Variants in CHSY1 observed in about 807,000 individuals in gnomAD.
CHSY1 encodes N-acetylgalactosaminyl-proteoglycan 3-beta-glucuronosyltransferase 1.
Under a neutral mutation model 59.8 loss-of-function variants are expected in CHSY1, and 13 were observed. The observed-to-expected ratio is 0.22, with a 90% CI of 0.14 to 0.35. The LOEUF (loss-of-function observed/expected upper bound fraction) is 0.35. Ranked by LOEUF, CHSY1 falls within the 10% of genes least tolerant of loss-of-function variation. The pLI is 1.00. For synonymous variants in CHSY1, 459 were observed against 401.2 expected (o/e 1.14, Z -1.72); for missense variants, 947 against 1,030.6 (o/e 0.92, Z 1.11).
At chr15:101,219,788 T>G (rs753755865) in intron 2 of CHSY1, among the ~76,000 whole-genome samples, 6 of 152,226 alleles carry the variant, frequency 3.9e-5, no homozygotes, top group African/African-American at 1.4e-4. Context: ...TTTCTTGAGA[T>G]GGAGTTTCGC....
At chr15:101,246,778 A>T (rs1390033306) in intron 1 of CHSY1, among the ~76,000 whole-genome samples, 1 of 152,230 alleles carries the variant, frequency 6.6e-6, no homozygotes, top group Non-Finnish European at 1.5e-5. Flanking sequence ...GTAACTGTGA[A>T]CCTGGGGTAG....
chr15:101,231,747 G>A (rs1286805739), intron 2 of CHSY1, among the ~76,000 whole-genome samples: 1 of 152,220 alleles, frequency 6.6e-6, no homozygotes, highest in Non-Finnish European at 1.5e-5. Context: ...AAGACAAAAT[G>A]AATAGGTTAC....
rs77637741 is a variant in CHSY1 at position 101,188,938 on chromosome 15, C to T, written c.817-9958G>A. ...GCAATCAGTTGAATGCACCAGGCAT[C>T]GCCTTAACAAAAAAAAAATGAAGTG... On this transcript the variant is annotated intron_variant, in intron 2 of 2. Coordinates refer to ENST00000254190, the MANE Select transcript of CHSY1 (RefSeq NM_014918.5). Among the ~76,000 whole-genome samples, 36 of 151,976 alleles carry T rather than the reference C, an allele frequency of 2.4e-4. 1 individual carries two copies. The East Asian group carries it at 5.1e-3, about 21-fold the overall frequency.
intron 2 of CHSY1, among the ~76,000 whole-genome samples, chr15:101,188,598 A>G (rs1190715815): frequency 6.6e-6 from 1 of 151,926 alleles, no homozygotes; most frequent in Non-Finnish European, 1.5e-5. Flanking sequence ...TAGTGGTTAA[A>G]AAAAAAAAGA....
At chr15:101,222,587 C>G (rs571640926) in intron 2 of CHSY1, among the ~76,000 whole-genome samples, 1 of 152,300 alleles carries the variant, frequency 6.6e-6, no homozygotes, top group South Asian at 2.1e-4. Context: ...AGTAATCCCA[C>G]CTCCTTGGTC....
At position 101,195,996 on chromosome 15, in the gene CHSY1, C is replaced by A. The variant is rs58309474; in HGVS notation, c.817-17016G>T. The stretch of plus-strand genomic sequence containing the variant: ...AGGAGCAGTGGCTCATGCCTGTAAT[C>A]CCAACACTTTGGGAGGCTGAGGCAG... On this transcript the variant is annotated intron_variant, in intron 2 of 2. Transcript: ENST00000254190. 4.4e-3 allele frequency among the ~76,000 whole-genome samples: 666 copies of A among 152,056 alleles called. 8 individuals are homozygous for A. In the East Asian group the frequency reaches 0.049, roughly 11 times the overall value.
intron 2 of CHSY1, among the ~76,000 whole-genome samples, chr15:101,201,197 T>C (rs1395888265): frequency 2.0e-5 from 3 of 152,298 alleles, no homozygotes; most frequent in Non-Finnish European, 4.4e-5. Context: ...AGAACAGTGA[T>C]TCCCCACAAA....
chr15:101,205,584 T>A (rs528333612), intron 2 of CHSY1, among the ~76,000 whole-genome samples: 7 of 152,284 alleles, frequency 4.6e-5, no homozygotes, highest in Admixed American at 1.3e-4. Flanking sequence ...TAACGACTAT[T>A]AGTATTAGCA....
chr15:101,248,528 G>C (rs1246015963), intron 1 of CHSY1, among the ~76,000 whole-genome samples: 2 of 152,166 alleles, frequency 1.3e-5, no homozygotes, highest in African/African-American at 4.8e-5. Flanking sequence ...CTATCTCCTG[G>C]TAGGCGTTTT....
intron 2 of CHSY1, among the ~76,000 whole-genome samples, chr15:101,213,307 G>A (rs1596444447): frequency 1.4e-5 from 2 of 140,630 alleles, no homozygotes; most frequent in African/African-American, 2.6e-5. Context: ...TTTTTTCTGG[G>A]AAGTGATACT....
chr15:101,221,878 T>G (rs1016899853), intron 2 of CHSY1, among the ~76,000 whole-genome samples: 9 of 134,866 alleles, frequency 6.7e-5, no homozygotes, highest in African/African-American at 3.0e-4. Context: ...AAAATAGCTT[T>G]GTACTTTTTT....
rs202111182 is a variant in CHSY1 at position 101,183,861 on chromosome 15, CTGA to C, written c.817-4884_817-4882del. On this transcript the variant is annotated intron_variant, in intron 2 of 2. Transcript: ENST00000254190. ...ATGACATCCATACAGAAGGAAACAG[CTGA>C]TGATGACAGACACGATATGTTACAC... 1.4e-3 allele frequency among the ~76,000 whole-genome samples: 216 copies of C among 152,306 alleles called. 2 individuals are homozygous for C. In the East Asian group the frequency reaches 0.028, roughly 20 times the overall value.
chr15:101,211,185 G>T (rs141698444), intron 2 of CHSY1, among the ~76,000 whole-genome samples: 1,734 of 152,172 alleles, frequency 0.011, 16 homozygotes, highest in South Asian at 0.027. Context: ...TTAGCCGGGC[G>T]TGGTGGCAGG....
Position 101,251,983 on chromosome 15 carries a change from C to A in CHSY1, c.-527G>T, listed in dbSNP as rs1456642604. ...CGCACGGCGCGTTATGAAGTGGCCCCGCCGGCGGCGAGCCGTGGCCCCTCT... is the reference window on the plus strand; with the variant it reads ...CGCACGGCGCGTTATGAAGTGGCCCAGCCGGCGGCGAGCCGTGGCCCCTCT... On this transcript the variant is annotated 5_prime_UTR_variant, in exon 1 of 3. Coordinates refer to ENST00000254190, the MANE Select transcript of CHSY1 (RefSeq NM_014918.5). The A allele has an allele frequency of 4.0e-5, 6 of 151,240 alleles. No individual in the cohort carries two copies. Among genetic ancestry groups the A allele is most frequent in the African/African-American group, 1.4e-4 (6 of 41,450 alleles). The allele number at this position is 151,240 out of a possible 1,614,324, so 9.4% of individuals were successfully genotyped here.
At chr15:101,248,828 C>G (rs2039076542) in intron 1 of CHSY1, among the ~76,000 whole-genome samples, 1 of 152,156 alleles carries the variant, frequency 6.6e-6, no homozygotes, top group African/African-American at 2.4e-5. Flanking sequence ...GCTCTGCCCC[C>G]CAGGATGGAG....
intron 2 of CHSY1, among the ~76,000 whole-genome samples, chr15:101,209,402 T>C (rs2038660544): frequency 6.6e-6 from 1 of 152,212 alleles, no homozygotes; most frequent in Admixed American, 6.5e-5. Flanking sequence ...GTTCGTAAAA[T>C]GCCATCCGTT....
At chr15:101,184,062 G>A (rs151242601) in intron 2 of CHSY1, among the ~76,000 whole-genome samples, 1 of 152,102 alleles carries the variant, frequency 6.6e-6, no homozygotes, top group Non-Finnish European at 1.5e-5. Context: ...TTTATTCCTG[G>A]CCGTCCATAC....
intron 1 of CHSY1, among the ~76,000 whole-genome samples, chr15:101,249,076 G>T (rs8023451): frequency 0.25 from 38,166 of 150,992 alleles, 6,382 homozygotes; most frequent in African/African-American, 0.48. Flanking sequence ...GTGCTGGGAT[G>T]ACAGGCGTGA....
At chr15:101,214,045 T>C (rs1435167779) in intron 2 of CHSY1, among the ~76,000 whole-genome samples, 2 of 152,214 alleles carry the variant, frequency 1.3e-5, no homozygotes, top group African/African-American at 2.4e-5. Flanking sequence ...CCAAGTGACC[T>C]GGATCCATCA....
Sources: gnomAD v4.1 joint callset for allele counts (sites outside exome capture counted in the v4.1 genomes callset) on GRCh38, gnomAD v4.1.1 for gene constraint, MANE v1.5 for transcripts, NCBI Gene and HGNC (gene_info 2026-07-23, HGNC 2026-07-21) for gene names.